ZMAT4: variants seen among roughly 807,000 people sequenced by gnomAD.
ZMAT4 encodes zinc finger matrin-type protein 4.
A neutral mutation model predicts 28.7 loss-of-function variants in ZMAT4; 17 were observed. The observed-to-expected ratio is 0.59, with a 90% CI of 0.41 to 0.89. ZMAT4 has a LOEUF of 0.89. Among genes scored for constraint, ZMAT4 ranks in the 40% least tolerant of loss-of-function variants. ZMAT4 has a pLI of 0.00. For synonymous variants in ZMAT4, 117 were observed against 109.2 expected (o/e 1.07, Z -0.44); for missense variants, 240 against 283.8 (o/e 0.85, Z 1.11).
intron 1 of ZMAT4, among the ~76,000 whole-genome samples, chr8:40,836,910 C>T (rs1816513584): frequency 6.6e-6 from 1 of 151,828 alleles, no homozygotes. Flanking sequence ...TGATGATGAT[C>T]GGTAGATAAA....
chr8:40,852,470 G>C (rs1232457694), intron 1 of ZMAT4, among the ~76,000 whole-genome samples: 1 of 152,180 alleles, frequency 6.6e-6, no homozygotes. Flanking sequence ...AATCTGTTGT[G>C]ATATACTGTC....
intron 2 of ZMAT4, among the ~76,000 whole-genome samples, chr8:40,811,363 G>A (rs1019089170): frequency 3.3e-5 from 5 of 152,182 alleles, no homozygotes; most frequent in African/African-American, 1.2e-4. Flanking sequence ...TACATGATCT[G>A]TGCAAGACAA....
chr8:40,617,024 G>C (rs1563368832), intron 5 of ZMAT4, among the ~76,000 whole-genome samples: 1 of 151,968 alleles, frequency 6.6e-6, no homozygotes, highest in African/African-American at 2.4e-5. Context: ...AATTTATCAA[G>C]AAAAAATATC....
chr8:40,648,457 C>T (rs1047135578), intron 5 of ZMAT4, among the ~76,000 whole-genome samples: 72 of 151,368 alleles, frequency 4.8e-4, no homozygotes, highest in Middle Eastern at 3.4e-3. Flanking sequence ...ATTGGTGTAC[C>T]GGAAAGTGAT....
chr8:40,845,379 A>G (rs747491802), intron 1 of ZMAT4, among the ~76,000 whole-genome samples: 65 of 152,354 alleles, frequency 4.3e-4, no homozygotes, highest in Middle Eastern at 3.4e-3. Context: ...ACAGAAGAGG[A>G]CAAAAAGTTA....
At chr8:40,545,803 T>TACTTC (rs987280833) in intron 6 of ZMAT4, among the ~76,000 whole-genome samples, 1 of 137,248 alleles carries the variant, frequency 7.3e-6, no homozygotes, top group African/African-American at 3.6e-5. Flanking sequence ...TCATTTTTGG[T>TACTTC]ACTTTGTTAT....
At chr8:40,629,007 CTT>C (rs55887019) in intron 5 of ZMAT4, among the ~76,000 whole-genome samples, 1 of 145,450 alleles carries the variant, frequency 6.9e-6, no homozygotes, top group Admixed American at 6.9e-5. Context: ...GCTTTCTTTT[CTT>C]TTTTTTTTTT....
intron 2 of ZMAT4, among the ~76,000 whole-genome samples, chr8:40,777,298 T>C (rs926435656): frequency 2.0e-5 from 3 of 152,204 alleles, no homozygotes; most frequent in Non-Finnish European, 4.4e-5. Context: ...AGCACACACC[T>C]GGCTGCAGAT....
intron 5 of ZMAT4, among the ~76,000 whole-genome samples, chr8:40,656,940 C>A (rs1274432553): frequency 1.3e-5 from 2 of 152,162 alleles, no homozygotes; most frequent in South Asian, 2.1e-4. Context: ...CACAGTTGCA[C>A]AATCTCATGA....
chr8:40,877,408 T>A (rs1054333743), intron 1 of ZMAT4, among the ~76,000 whole-genome samples: 1 of 152,182 alleles, frequency 6.6e-6, no homozygotes, highest in African/African-American at 2.4e-5. Context: ...AAAGGTATCT[T>A]CTTATGTTTC....
intron 3 of ZMAT4, among the ~76,000 whole-genome samples, chr8:40,719,006 A>G (rs1810968731): frequency 1.3e-5 from 2 of 152,216 alleles, no homozygotes; most frequent in Admixed American, 1.3e-4. Context: ...CAATTCTTGG[A>G]GGCAACTTCA....
chr8:40,824,399 C>A (rs757571907), intron 2 of ZMAT4, among the ~76,000 whole-genome samples: 1 of 152,078 alleles, frequency 6.6e-6, no homozygotes, highest in East Asian at 1.9e-4. Flanking sequence ...GAGCTATGCT[C>A]GTGCCACAGC....
At chr8:40,596,623 A>C (rs1805114171) in intron 5 of ZMAT4, among the ~76,000 whole-genome samples, 1 of 152,234 alleles carries the variant, frequency 6.6e-6, no homozygotes, top group Non-Finnish European at 1.5e-5. Context: ...TAATTTTGTG[A>C]GAACACCATC....
chr8:40,760,971 T>A (rs1178990040), intron 3 of ZMAT4, among the ~76,000 whole-genome samples: 1 of 151,400 alleles, frequency 6.6e-6, no homozygotes, highest in East Asian at 1.9e-4. Context: ...CCTTTAATTG[T>A]CCTCCCAAGA....
chr8:40,694,064 C>CT (rs372267389), intron 4 of ZMAT4, among the ~76,000 whole-genome samples: 17 of 151,472 alleles, frequency 1.1e-4, no homozygotes, highest in South Asian at 2.1e-4. Context: ...TTCTGTGTTC[C>CT]TTTTTTTTTC....
intron 3 of ZMAT4, among the ~76,000 whole-genome samples, chr8:40,697,852 G>C (rs1238351314): frequency 6.6e-6 from 1 of 152,102 alleles, no homozygotes; most frequent in African/African-American, 2.4e-5. Flanking sequence ...AATTTGTAGA[G>C]ATGAGTTATC....
In ZMAT4 at chr8:40,721,085, G is replaced by A. The variant is rs546794496; in HGVS notation, c.193-23684C>T. 3.5e-3 allele frequency among the ~76,000 whole-genome samples: 500 copies of A among 144,250 alleles called. 2 individuals are homozygous for A. The highest frequency in any genetic ancestry group is 6.0e-3 in the Non-Finnish European group (398 of 65,952). The allele number at this position is 144,250 out of a possible 152,430, so 94.6% of individuals were successfully genotyped here. A position where few individuals can be genotyped will look rare whatever the true frequency, so the allele number is the denominator to read the frequency against. On this transcript the variant is annotated intron_variant, in intron 3 of 6. Coordinates refer to ENST00000297737, the MANE Select transcript of ZMAT4 (RefSeq NM_024645.3). ...GCTGGTGCACTGCACCCACTAACTC[G>A]TCATCTAGCATTAGGTATATCTCCC... is the stretch of plus-strand genomic sequence containing the variant.
intron 1 of ZMAT4, among the ~76,000 whole-genome samples, chr8:40,895,619 T>A: frequency 6.6e-6 from 1 of 151,386 alleles, no homozygotes; most frequent in African/African-American, 2.4e-5. Flanking sequence ...CAAGGCCCCC[T>A]CCGCCCCCTC....
At chr8:40,804,840 T>TA (rs1485214715) in intron 2 of ZMAT4, among the ~76,000 whole-genome samples, 1 of 151,604 alleles carries the variant, frequency 6.6e-6, no homozygotes, top group African/African-American at 2.4e-5. Flanking sequence ...GACTCTGTCT[T>TA]AAAAAAATAA....
Sources: allele counts gnomAD v4.1 joint callset (sites outside exome capture counted in the v4.1 genomes callset), GRCh38; gene constraint gnomAD v4.1.1; transcripts MANE v1.5; gene names NCBI Gene and HGNC (gene_info 2026-07-23, HGNC 2026-07-21).